PTCH1: variants seen among roughly 807,000 people sequenced by gnomAD.
PTCH1 encodes protein patched homolog 1.
Under a neutral mutation model 144.6 loss-of-function variants are expected in PTCH1, and 14 were observed. The ratio of observed to expected loss-of-function variants is 0.10; its 90% confidence interval spans 0.06 to 0.15. The LOEUF (loss-of-function observed/expected upper bound fraction) is 0.15. Among genes scored for constraint, PTCH1 ranks in the 10% least tolerant of loss-of-function variants. The pLI, the probability that PTCH1 is intolerant of heterozygous loss-of-function variation, is 1.00. For missense variants in PTCH1, 1,623 were observed against 1,948.3 expected (o/e 0.83, Z 3.14); for synonymous variants, 833 against 793.6 (o/e 1.05, Z -0.83).
chr9:95,490,556 C>CACAA (rs745936852), intron 2 of PTCH1, among the ~76,000 whole-genome samples: 21 of 141,162 alleles, frequency 1.5e-4, no homozygotes, highest in Non-Finnish European at 3.0e-4. Context: ...CACACACACA[C>CACAA]AAAAGAAAGA....
At position 95,489,802 on chromosome 9, in the gene PTCH1, AT is replaced by A. The variant is rs1272314588; in HGVS notation, c.395-3929del. 3.5e-3 allele frequency among the ~76,000 whole-genome samples: 478 copies of A among 136,842 alleles called. 1 individual carries two copies. Among genetic ancestry groups the A allele is most frequent in the Admixed American group, 4.4e-3 (60 of 13,638 alleles). 89.8% of individuals were successfully genotyped at this position (136,842 alleles called of 152,430 possible). On this transcript the variant is annotated intron_variant, in intron 2 of 23. Transcript: ENST00000331920. ...TTTGCTGTGTGGTAGGCTATGGATA[AT>A]TTTTTTTTTTTTTTTGTGACGGAGT... is the stretch of plus-strand genomic sequence containing the variant.
At position 95,478,247 on chromosome 9, in the gene PTCH1, A is replaced by G. The variant is rs1841243950; in HGVS notation, c.1216-61T>C. 8 of 1,610,180 alleles carry G rather than the reference A, an allele frequency of 5.0e-6. No individual in the cohort carries two copies. The South Asian group carries it at 8.8e-5, about 18-fold the overall frequency. On this transcript the variant is annotated intron_variant, in intron 8 of 23. Transcript: ENST00000331920. Reference sequence around the variant, plus strand: ...AATGAACACTTCCACAAGCCTCGACAGCACAGATCTCAGGTGACACAGCGC... The same window carrying G: ...AATGAACACTTCCACAAGCCTCGACGGCACAGATCTCAGGTGACACAGCGC...
chr9:95,478,985 C>A lies in PTCH1; in HGVS notation c.1215+15G>T, dbSNP rs781602634. The A allele has an allele frequency of 4.3e-6, 7 of 1,614,014 alleles. No homozygotes were observed. The highest frequency in any genetic ancestry group is 1.3e-5 in the African/African-American group (1 of 74,914). Reference sequence around the variant, plus strand: ...TAACCAGCGAGTCTGCACGCCGATTCGAAGGTGGGTTTACCTCCACATATG... The same window carrying A: ...TAACCAGCGAGTCTGCACGCCGATTAGAAGGTGGGTTTACCTCCACATATG... On this transcript the variant is annotated intron_variant, in intron 8 of 23. Coordinates refer to ENST00000331920, the MANE Select transcript of PTCH1 (RefSeq NM_000264.5).
intron 1 of PTCH1, among the ~76,000 whole-genome samples, chr9:95,515,879 A>C (rs1844340821): frequency 6.6e-6 from 1 of 152,052 alleles, no homozygotes; most frequent in Non-Finnish European, 1.5e-5. Flanking sequence ...CCGCACCCCT[A>C]GGCGTGCGTG....
intron 1 of PTCH1, 170 bp downstream of exon 1, chr9:95,507,991 G>T: frequency 6.6e-7 from 1 of 1,510,940 alleles, no homozygotes; most frequent in Non-Finnish European, 8.8e-7. Flanking sequence ...GGGAGGGTTT[G>T]AATTTTTCAA....
At chr9:95,456,146 G>T (rs1838901143) in intron 19 of PTCH1, 130 bp downstream of exon 19, 7 of 1,382,232 alleles carry the variant, frequency 5.1e-6, no homozygotes, top group Middle Eastern at 1.8e-4. Flanking sequence ...TCTCCTAGGG[G>T]GCCCCTGTGC....
At chr9:95,461,818 G>T (rs1839496639) in intron 16 of PTCH1, 38 bp downstream of exon 16, 12 of 1,613,154 alleles carry the variant, frequency 7.4e-6, no homozygotes, top group Admixed American at 1.7e-5. Flanking sequence ...CGGCCCCGCA[G>T]CCCTGGAAGC....
At chr9:95,459,534 T>C in intron 17 of PTCH1, 66 bp downstream of exon 17, 1 of 1,578,190 alleles carries the variant, frequency 6.3e-7, no homozygotes, top group Non-Finnish European at 8.7e-7. Flanking sequence ...AGGCTGTTGC[T>C]GAGTTTGGAG....
chr9:95,514,451 T>C (rs2118947796), intron 1 of PTCH1: 1 of 152,316 alleles, frequency 6.6e-6, no homozygotes, highest in African/African-American at 2.4e-5. Flanking sequence ...TTTGACCCAC[T>C]GCTGGAGCAA....
intron 7 of PTCH1, chr9:95,479,727 A>G (rs1841375628): frequency 1.6e-6 from 1 of 613,868 alleles, no homozygotes; most frequent in Non-Finnish European, 2.8e-6. Context: ...CTTAAACCCT[A>G]TAGTCAGGAA....
intron 19 of PTCH1, 67 bp from the exon 20 acceptor site, chr9:95,453,687 C>T (rs1838673990): frequency 6.3e-7 from 1 of 1,597,938 alleles, no homozygotes; most frequent in South Asian, 1.1e-5. Flanking sequence ...CAGCTCTGTC[C>T]TAAATGTTAC....
chr9:95,447,231 C>T lies in PTCH1; in HGVS notation c.4025G>A (p.Arg1342His), dbSNP rs575146278. ...CCGAGGGTTGTGAGAACGGGCCCCG[C>T]GAGGGCCCCAGCGGGCCCTATTGCT... ...GPSNRARWGP[R>H]GARSHNPRNP... The change falls in exon 23 of 24, where the codon CGC becomes CAC. Residue 1342 changes from arginine (R) to histidine (H), a missense_variant. By Grantham distance (29) the Arg-to-His change is conservative. Transcript: ENST00000331920. The T allele has an allele frequency of 3.3e-5, 53 of 1,611,542 alleles. No homozygotes were observed. The East Asian group carries it at 6.0e-4, about 18-fold the overall frequency.
At chr9:95,473,542 A>ATTT (rs34481207) in intron 12 of PTCH1, among the ~76,000 whole-genome samples, 6 of 119,018 alleles carry the variant, frequency 5.0e-5, no homozygotes, top group Admixed American at 8.6e-5. Context: ...TTTCTATCCT[A>ATTT]TTTTTTTTTT....
At position 95,459,693 on chromosome 9, in the gene PTCH1, C is replaced by A; in HGVS notation, c.2794G>T (p.Val932Phe). 1 of 1,614,176 alleles carries A rather than the reference C, an allele frequency of 6.2e-7. No homozygotes were observed. Among genetic ancestry groups the A allele is most frequent in the Non-Finnish European group, 8.5e-7 (1 of 1,180,026 alleles). ...TTGGCCTGGGAGGCAGCATACGCGACGGGGTCGTTGCTGACCCAAGCCGTC... is the reference window on the plus strand; with the variant it reads ...TTGGCCTGGGAGGCAGCATACGCGAAGGGGTCGTTGCTGACCCAAGCCGTC... ...YLTAWVSNDP[V>F]AYAASQANIR... is the part of the protein sequence containing the mutation. The change falls in exon 17 of 24, where the codon GTC becomes TTC. Residue 932 changes from valine to phenylalanine, a missense_variant. Physicochemically the swap from Val to Phe is conservative, Grantham distance 50 (BLOSUM62 -1). Transcript: ENST00000331920.
rs1588578652 is a variant in PTCH1, at chr9:95,469,940, A to G, written c.1729-9T>C. ...ACCACTACTACCGCTGCCTGGGAGC[A>G]GAAAAAAAATTCAGAGGTCACCAAC... is the stretch of plus-strand genomic sequence containing the variant. On this transcript the variant is annotated splice_polypyrimidine_tract_variant and intron_variant, in intron 12 of 23. Coordinates refer to ENST00000331920, the MANE Select transcript of PTCH1 (RefSeq NM_000264.5). 1 of 1,608,270 alleles carries G rather than the reference A, an allele frequency of 6.2e-7. No individual in the cohort carries two copies.
intron 2 of PTCH1, 173 bp downstream of exon 2, chr9:95,506,234 T>TGTCGGGCGGGCCTGGCTCCCG: frequency 1.4e-6 from 1 of 726,402 alleles, no homozygotes; most frequent in Non-Finnish European, 2.2e-6. Flanking sequence ...GCGCGGCCTT[T>TGTCGGGCGGGCCTGGCTCCCG]GTCGGGCGGG....
rs771814170 is a variant in PTCH1, at chr9:95,456,363, G to A, written c.3219C>T (p.Leu1073=). The stretch of plus-strand genomic sequence containing the variant: ...GCACGGCACTGAGCTTGATTCCGAT[G>A]AGGCCCATCATGCCGAACAGCTCGA... ...MTVELFGMMG[L]IGIKLSAVPV... is the part of the protein sequence containing the mutation. Residue 1073 remains leucine, a synonymous_variant, in exon 19 of 24, where the codon CTC becomes CTT. Coordinates refer to ENST00000331920, the MANE Select transcript of PTCH1 (RefSeq NM_000264.5). 28 of 1,614,024 alleles carry A rather than the reference G, an allele frequency of 1.7e-5. No individual in the cohort carries two copies. Among genetic ancestry groups the A allele is most frequent in the Non-Finnish European group, 2.4e-5 (28 of 1,180,054 alleles).
At position 95,476,685 on chromosome 9, in the gene PTCH1, A is replaced by G; in HGVS notation, c.1602+74T>C. The G allele has an allele frequency of 2.1e-6, 3 of 1,430,638 alleles. No homozygotes were observed. Among genetic ancestry groups the G allele is most frequent in the Non-Finnish European group, 2.9e-6 (3 of 1,032,238 alleles). The allele number at this position is 1,430,638 out of a possible 1,614,324, so 88.6% of individuals were successfully genotyped here. A position where few individuals can be genotyped will look rare whatever the true frequency, so the allele number is the denominator to read the frequency against. On this transcript the variant is annotated intron_variant, in intron 11 of 23. Coordinates refer to ENST00000331920, the MANE Select transcript of PTCH1 (RefSeq NM_000264.5). The surrounding 1 kb of genome is among the most constrained non-coding windows in gnomAD (Gnocchi z 4.6). The stretch of plus-strand genomic sequence containing the variant: ...TCTTTACTGGGTCAGACTGAGGAAA[A>G]TTAAAGGACAAATACTTAGGAACAG...
intron 2 of PTCH1, among the ~76,000 whole-genome samples, chr9:95,487,047 G>C (rs1842026006): frequency 1.3e-5 from 2 of 152,212 alleles, no homozygotes; most frequent in South Asian, 4.1e-4. Flanking sequence ...TAGTATTCAA[G>C]GACATAAACA....
Sources: allele counts gnomAD v4.1 joint callset (sites outside exome capture counted in the v4.1 genomes callset), GRCh38; gene constraint gnomAD v4.1.1; non-coding constraint Gnocchi (gnomAD v3.1); transcripts MANE v1.5; gene names NCBI Gene and HGNC (gene_info 2026-07-23, HGNC 2026-07-21).